The following LRRC18 variants were observed in gnomAD, a reference collection of about 807,000 sequenced individuals.
The protein encoded by LRRC18 is leucine rich repeat containing 18, also known as leucine-rich repeat-containing protein 18.
A neutral mutation model predicts 11.2 loss-of-function variants in LRRC18; 12 were observed. The observed-to-expected ratio is 1.07, with a 90% CI of 0.69 to 1.74. The LOEUF (loss-of-function observed/expected upper bound fraction) is 1.74, where lower values mean the gene tolerates loss of function less well. LRRC18 is among the 40% of genes most tolerant of loss of function. The pLI is 0.00. For synonymous variants in LRRC18, 155 were observed against 130.6 expected (o/e 1.19, Z -1.27); for missense variants, 374 against 330.5 (o/e 1.13, Z -1.02).
At chr10:48,928,089 G>A in the LRRC18 span, among the ~76,000 whole-genome samples, 8 of 152,170 alleles carry the variant, frequency 5.3e-5, no homozygotes, top group Non-Finnish European at 1.2e-4. Flanking sequence ...TTGCCAGACA[G>A]GTGTTATTTT....
chr10:48,915,490 C>T (rs1269796701), upstream of LRRC18, among the ~76,000 whole-genome samples: 2 of 152,052 alleles, frequency 1.3e-5, no homozygotes, highest in African/African-American at 4.8e-5. Context: ...TGCATTGCCT[C>T]TGTTCCCTGC....
chr10:48,916,964 C>T (rs998212495), upstream of LRRC18, among the ~76,000 whole-genome samples: 2 of 151,748 alleles, frequency 1.3e-5, no homozygotes, highest in Non-Finnish European at 2.9e-5. Context: ...GCATATATGA[C>T]AGTTGTCCCA....
chr10:48,913,364 T>G, intron 1 of LRRC18, 28 bp downstream of exon 3: 1 of 1,595,414 alleles, frequency 6.3e-7, no homozygotes, highest in East Asian at 2.2e-5. Context: ...CTCTTTCCCT[T>G]CTGCCTCAGG....
intron 1 of LRRC18, among the ~76,000 whole-genome samples, chr10:48,912,933 C>A (rs560035626): frequency 2.6e-5 from 4 of 152,364 alleles, no homozygotes; most frequent in African/African-American, 9.6e-5. Flanking sequence ...AAGTGCTCAT[C>A]TACTTTCTTA....
chr10:48,915,979 G>T (rs996509535), upstream of LRRC18, among the ~76,000 whole-genome samples: 18 of 152,138 alleles, frequency 1.2e-4, no homozygotes, highest in Admixed American at 9.2e-4. Context: ...GGATAAAACA[G>T]CTTAAAAAAC....
At chr10:48,913,575 C>A (rs1309623155) in exon 1 of LRRC18, 1 of 1,614,130 alleles carries the variant, frequency 6.2e-7, no homozygotes, top group Non-Finnish European at 8.5e-7. Flanking sequence ...GTTCTCCAGC[C>A]TCCTGATGGA....
upstream of LRRC18, among the ~76,000 whole-genome samples, chr10:48,916,871 ATGTGTGTGTGTGTGTGTGTGTG>A (rs55891907): frequency 1.3e-5 from 2 of 149,286 alleles, no homozygotes; most frequent in African/African-American, 4.9e-5. Context: ...CTTTAAAAAT[ATGTGTGTGTGTGTGTGTGTGTG>A]TGTGTGTGTG....
chr10:48,928,705 C>T, the LRRC18 span, among the ~76,000 whole-genome samples: 8 of 152,200 alleles, frequency 5.3e-5, no homozygotes, highest in African/African-American at 1.9e-4. Flanking sequence ...TGGCGACAGC[C>T]CAGAGTCCAC....
At chr10:48,921,224 A>G in the LRRC18 span, among the ~76,000 whole-genome samples, 522 of 152,294 alleles carry the variant, frequency 3.4e-3, 2 homozygotes, top group African/African-American at 0.011. Context: ...AAAATTTACC[A>G]TATAGTTACA....
chr10:48,931,532 T>C, the LRRC18 span, among the ~76,000 whole-genome samples: 7 of 152,158 alleles, frequency 4.6e-5, no homozygotes, highest in Non-Finnish European at 1.0e-4. Flanking sequence ...GGGGAGGATA[T>C]GTCAAGCAAA....
the LRRC18 span, among the ~76,000 whole-genome samples, chr10:48,936,543 T>C: frequency 0.039 from 5,987 of 152,036 alleles, 416 homozygotes; most frequent in African/African-American, 0.14. Context: ...CGTATGAAAA[T>C]TAAAAGCACT....
intron 1 of LRRC18, chr10:48,910,959 T>A: frequency 3.1e-6 from 3 of 969,206 alleles, no homozygotes; most frequent in Non-Finnish European, 3.7e-6. Context: ...GAGGGAAAAT[T>A]AATTCTAAAG....
chr10:48,916,528 T>C (rs546605987), upstream of LRRC18, among the ~76,000 whole-genome samples: 2 of 152,318 alleles, frequency 1.3e-5, no homozygotes, highest in South Asian at 4.1e-4. Context: ...GTTGCTTTGT[T>C]TTCTCTACCC....
the LRRC18 span, among the ~76,000 whole-genome samples, chr10:48,931,652 G>T: frequency 6.6e-6 from 1 of 152,150 alleles, no homozygotes; most frequent in African/African-American, 2.4e-5. Flanking sequence ...GGGTAGTTTG[G>T]GCTCATTGCT....
At chr10:48,928,353 CGTGTGTGT>C in the LRRC18 span, among the ~76,000 whole-genome samples, 2,984 of 125,024 alleles carry the variant, frequency 0.024, 66 homozygotes, top group African/African-American at 0.061. Context: ...TTGGTTTTGA[CGTGTGTGT>C]GTGTGTGTGT....
chr10:48,920,422 C>T, the LRRC18 span, among the ~76,000 whole-genome samples: 8 of 151,704 alleles, frequency 5.3e-5, no homozygotes, highest in East Asian at 1.9e-4. Flanking sequence ...TGTTAAATGA[C>T]GAATTAATGG....
At chr10:48,915,317 G>A (rs180850034), upstream of LRRC18, among the ~76,000 whole-genome samples, 90 of 152,264 alleles carry the variant, frequency 5.9e-4, no homozygotes, top group Middle Eastern at 6.8e-3. Flanking sequence ...AGGCTCAGAA[G>A]TGAGGAAGGT....
chr10:48,922,768 CT>C, the LRRC18 span, among the ~76,000 whole-genome samples: 1 of 152,072 alleles, frequency 6.6e-6, no homozygotes, highest in African/African-American at 2.4e-5. Context: ...AGCATTTTGC[CT>C]AATAAAAAAA....
rs1467466116 is a variant in LRRC18 at position 48,913,670 on chromosome 10, G to A, written c.486C>T (p.Ser162=). ...TTTTCAGCTTGGGGAGCTTGGAGAT[G>A]CTCACGGGGATGTTGTTCAGTAGGT... The change falls in exon 1 of 2, where the codon AGC becomes AGT. Residue 162 remains serine, a synonymous_variant. Coordinates refer to ENST00000374160, the Ensembl canonical transcript of LRRC18. The A allele has an allele frequency of 6.8e-6, 11 of 1,613,540 alleles. No individual in the cohort carries two copies. The Admixed American group carries it at 1.5e-4, about 22-fold the overall frequency.
Sources: gnomAD v4.1 joint callset for allele counts (sites outside exome capture counted in the v4.1 genomes callset) on GRCh38, gnomAD v4.1.1 for gene constraint, MANE v1.5 for transcripts, NCBI Gene and HGNC (gene_info 2026-07-23, HGNC 2026-07-21) for gene names.